Variants in GAP43 observed in about 807,000 individuals in gnomAD.
GAP43 encodes neuromodulin.
Under a neutral mutation model 18.6 loss-of-function variants are expected in GAP43, and 6 were observed. The observed-to-expected ratio is 0.32, with a 90% CI of 0.18 to 0.64. GAP43 has a LOEUF of 0.64. GAP43 is among the 30% of genes least tolerant of loss of function. The pLI is 0.78. For missense variants in GAP43, 292 were observed against 295.5 expected, an observed-to-expected ratio of 0.99 and a Z score of 0.09; for synonymous variants, 115 against 111.4, an observed-to-expected ratio of 1.03 and a Z score of -0.20.
intron 1 of GAP43, among the ~76,000 whole-genome samples, chr3:115,653,576 C>T (rs72961665): frequency 3.3e-5 from 5 of 152,256 alleles, no homozygotes; most frequent in South Asian, 2.1e-4. Context: ...GGGTAACCTG[C>T]GCCTCCTAAA....
At chr3:115,664,207 T>C (rs1431172229) in intron 1 of GAP43, among the ~76,000 whole-genome samples, 2 of 118,108 alleles carry the variant, frequency 1.7e-5, no homozygotes, top group African/African-American at 2.6e-5. Context: ...ATTATTATGT[T>C]CTCCAAGCAT....
intron 1 of GAP43, among the ~76,000 whole-genome samples, chr3:115,660,905 C>T (rs1708649971): frequency 6.6e-6 from 1 of 152,226 alleles, no homozygotes; most frequent in Non-Finnish European, 1.5e-5. Flanking sequence ...TTAAGAAGCC[C>T]TTTTTGTTTC....
chr3:115,684,655 G>T lies in GAP43; in HGVS notation c.628+8045G>T, dbSNP rs1352527784. Reference sequence around the variant, plus strand: ...TTGTCTCTCTGAGGGTGTGTGTGAAGAGTAATGGTCGTTTCTCGGCTGCTC... The same window carrying T: ...TTGTCTCTCTGAGGGTGTGTGTGAATAGTAATGGTCGTTTCTCGGCTGCTC... On this transcript the variant is annotated intron_variant, in intron 2 of 2. Transcript: ENST00000305124. Among the ~76,000 whole-genome samples the T allele has an allele frequency of 1.3e-5, 2 of 152,204 alleles. 1 individual carries two copies. Among genetic ancestry groups the T allele is most frequent in the African/African-American group, 4.8e-5 (2 of 41,444 alleles).
intron 1 of GAP43, chr3:115,663,720 C>T (rs566269441): frequency 5.3e-6 from 8 of 1,519,008 alleles, no homozygotes; most frequent in Non-Finnish European, 7.1e-6. Flanking sequence ...ATTGGACTGA[C>T]AGCTCTACAG....
In GAP43 at chr3:115,663,878, C is replaced by T. The variant is rs200879857; in HGVS notation, c.31-12135C>T. 463 of 1,551,978 alleles carry T rather than the reference C, an allele frequency of 3.0e-4. 1 individual carries two copies. Among genetic ancestry groups the T allele is most frequent in the Middle Eastern group, 3.3e-4 (2 of 6,016 alleles). On this transcript the variant is annotated intron_variant, in intron 1 of 2. Transcript: ENST00000305124. Reference sequence around the variant, plus strand: ...TCTTCAGAGAGCAGTTCGACCTAGTCCTTATTCACTTGGCTTCTTGACTTT... The same window carrying T: ...TCTTCAGAGAGCAGTTCGACCTAGTTCTTATTCACTTGGCTTCTTGACTTT...
intron 1 of GAP43, among the ~76,000 whole-genome samples, chr3:115,665,989 AGTGTGTGT>A (rs34314907): frequency 0.012 from 749 of 61,724 alleles, 5 homozygotes; most frequent in Non-Finnish European, 0.015. Flanking sequence ...TGGCTAAATG[AGTGTGTGT>A]GTGTGTGTGT....
chr3:115,711,053 C>T (rs1167230490), intron 2 of GAP43, among the ~76,000 whole-genome samples: 1 of 152,128 alleles, frequency 6.6e-6, no homozygotes, highest in Non-Finnish European at 1.5e-5. Flanking sequence ...GATTTCAGTG[C>T]TGCCTTTTTC....
intron 1 of GAP43, among the ~76,000 whole-genome samples, chr3:115,667,558 C>A (rs562696831): frequency 2.0e-5 from 3 of 152,200 alleles, no homozygotes; most frequent in African/African-American, 7.2e-5. Flanking sequence ...AAAGACACTT[C>A]GCAGTGTCTT....
intron 1 of GAP43, among the ~76,000 whole-genome samples, chr3:115,668,685 AAG>A (rs1559796428): frequency 1.3e-5 from 2 of 152,118 alleles, no homozygotes. Context: ...CAGCCTCACA[AAG>A]TGCTGAGATT....
At chr3:115,704,006 T>G (rs1008942343) in intron 2 of GAP43, among the ~76,000 whole-genome samples, 1 of 152,102 alleles carries the variant, frequency 6.6e-6, no homozygotes, top group African/African-American at 2.4e-5. Context: ...AAGTGATTTT[T>G]TACTCAAAAG....
At chr3:115,684,921 A>G (rs1319054902) in intron 2 of GAP43, among the ~76,000 whole-genome samples, 1 of 152,222 alleles carries the variant, frequency 6.6e-6, no homozygotes, top group East Asian at 1.9e-4. Context: ...ACCACCTTTC[A>G]TTCAAGTTAA....
At chr3:115,711,057 C>G (rs1042312173) in intron 2 of GAP43, among the ~76,000 whole-genome samples, 7 of 152,084 alleles carry the variant, frequency 4.6e-5, no homozygotes, top group Non-Finnish European at 8.8e-5. Flanking sequence ...TCAGTGCTGC[C>G]TTTTTCAATT....
Position 115,623,623 on chromosome 3 carries a change from G to C in GAP43, c.-67G>C, listed in dbSNP as rs975544658. ...AAGCGAGCAGAAAAGAGGTGGAGAG[G>C]GGGGGAATAAGAAAGAGAGAGAAGG... On this transcript the variant is annotated 5_prime_UTR_variant, in exon 1 of 3. Coordinates refer to ENST00000305124, the MANE Select transcript of GAP43 (RefSeq NM_002045.4). 7 of 1,593,820 alleles carry C rather than the reference G, an allele frequency of 4.4e-6. No individual in the cohort carries two copies. The Admixed American group carries it at 5.0e-5, about 11-fold the overall frequency.
At chr3:115,698,053 T>C (rs1011071420) in intron 2 of GAP43, among the ~76,000 whole-genome samples, 1 of 55,890 alleles carries the variant, frequency 1.8e-5, no homozygotes, top group Non-Finnish European at 2.9e-5. Flanking sequence ...TTATATATTA[T>C]ATAAAATATA....
At chr3:115,654,317 G>A (rs918992595) in intron 1 of GAP43, among the ~76,000 whole-genome samples, 1 of 152,098 alleles carries the variant, frequency 6.6e-6, no homozygotes, top group Non-Finnish European at 1.5e-5. Context: ...AGATGAAACC[G>A]CAAAGGAGGA....
At chr3:115,635,106 AT>A (rs879910987) in intron 1 of GAP43, among the ~76,000 whole-genome samples, 4 of 151,432 alleles carry the variant, frequency 2.6e-5, no homozygotes, top group South Asian at 2.1e-4. Flanking sequence ...TTCAAACGTC[AT>A]TTTTTTTTCC....
At chr3:115,636,060 C>A (rs1708326007) in intron 1 of GAP43, among the ~76,000 whole-genome samples, 1 of 152,032 alleles carries the variant, frequency 6.6e-6, no homozygotes, top group African/African-American at 2.4e-5. Context: ...TAGTAAAACT[C>A]CATCTGTAAA....
intron 2 of GAP43, among the ~76,000 whole-genome samples, chr3:115,694,291 G>T: frequency 6.6e-6 from 1 of 152,150 alleles, no homozygotes; most frequent in East Asian, 1.9e-4. Flanking sequence ...TATGTCTATT[G>T]AGCTTCTATA....
At chr3:115,691,726 C>A (rs753271839) in intron 2 of GAP43, among the ~76,000 whole-genome samples, 1 of 152,148 alleles carries the variant, frequency 6.6e-6, no homozygotes, top group Non-Finnish European at 1.5e-5. Flanking sequence ...ATTTGGCCTA[C>A]CTTGTAGCTC....
Sources: allele counts gnomAD v4.1 joint callset (sites outside exome capture counted in the v4.1 genomes callset), GRCh38; gene constraint gnomAD v4.1.1; transcripts MANE v1.5; gene names NCBI Gene and HGNC (gene_info 2026-07-23, HGNC 2026-07-21).